AGBL4: variants seen among roughly 807,000 people sequenced by gnomAD.
AGBL4 encodes AGBL carboxypeptidase 4.
A neutral mutation model predicts 66.4 loss-of-function variants in AGBL4; 58 were observed. The ratio of observed to expected loss-of-function variants is 0.87; its 90% CI spans 0.71 to 1.09. AGBL4 has a LOEUF of 1.09. AGBL4 is among the 50% of genes least tolerant of loss of function. The pLI is 0.00. For missense variants in AGBL4, 579 were observed against 631.0 expected (o/e 0.92, Z 0.88); for synonymous variants, 234 against 222.9 (o/e 1.05, Z -0.44).
intron 3 of AGBL4, among the ~76,000 whole-genome samples, chr1:49,622,616 G>A (rs1645385119): frequency 1.8e-5 from 2 of 111,124 alleles, no homozygotes; most frequent in African/African-American, 3.5e-5. Context: ...GCGACAGAGC[G>A]AGACTCCGTC....
At chr1:49,760,771 C>A (rs1219438684) in intron 2 of AGBL4, among the ~76,000 whole-genome samples, 2 of 152,092 alleles carry the variant, frequency 1.3e-5, no homozygotes. Context: ...AGAACCAACC[C>A]AAATGCCCAT....
At chr1:48,749,564 A>G (rs531796665) in intron 6 of AGBL4, among the ~76,000 whole-genome samples, 5 of 152,228 alleles carry the variant, frequency 3.3e-5, no homozygotes, top group Admixed American at 2.0e-4. Flanking sequence ...TCCTCAATGA[A>G]CTGTACTTTC....
intron 9 of AGBL4, among the ~76,000 whole-genome samples, chr1:48,606,644 T>A (rs1380912773): frequency 1.3e-5 from 2 of 152,148 alleles, no homozygotes; most frequent in African/African-American, 4.8e-5. Flanking sequence ...GATCTGACAC[T>A]CCATAGTCTG....
chr1:49,966,018 T>G (rs1479711557), intron 1 of AGBL4, among the ~76,000 whole-genome samples: 2 of 150,874 alleles, frequency 1.3e-5, no homozygotes, highest in Non-Finnish European at 2.9e-5. Context: ...CTTGGCTCAC[T>G]GCAAGCTCTG....
At chr1:49,692,438 G>T (rs1646906475) in intron 3 of AGBL4, among the ~76,000 whole-genome samples, 1 of 152,134 alleles carries the variant, frequency 6.6e-6, no homozygotes, top group African/African-American at 2.4e-5. Context: ...CAGCAAACTG[G>T]CCAGACACAG....
rs74076227 is a variant in AGBL4, at chr1:48,680,631, C to T, written c.635-17390G>A. 9.9e-3 allele frequency among the ~76,000 whole-genome samples: 1,505 copies of T among 152,234 alleles called. 29 individuals carry two copies. The highest frequency in any genetic ancestry group is 0.034 in the African/African-American group (1,421 of 41,508). On this transcript the variant is annotated intron_variant, in intron 6 of 13. Transcript: ENST00000371839. ...GGTGACGGCCACCTTGTGGCAAGGCCGAAGAAGAATTCCCTCCGTGACTAA... is the reference window on the plus strand; with the variant it reads ...GGTGACGGCCACCTTGTGGCAAGGCTGAAGAAGAATTCCCTCCGTGACTAA...
chr1:48,953,824 A>G (rs1657202866), intron 5 of AGBL4, among the ~76,000 whole-genome samples: 2 of 152,188 alleles, frequency 1.3e-5, no homozygotes, highest in Non-Finnish European at 2.9e-5. Context: ...ACGGGCTGCT[A>G]ACTGGGACTT....
chr1:49,755,425 C>T (rs1374194193), intron 2 of AGBL4, among the ~76,000 whole-genome samples: 6 of 152,154 alleles, frequency 3.9e-5, no homozygotes. Context: ...GACTTTAATC[C>T]TTCAGCTGCC....
chr1:49,027,498 T>C (rs1663812353), intron 5 of AGBL4, among the ~76,000 whole-genome samples: 1 of 152,080 alleles, frequency 6.6e-6, no homozygotes, highest in South Asian at 2.1e-4. Flanking sequence ...TTTGAAGTCA[T>C]TTAAAGCCAT....
intron 4 of AGBL4, among the ~76,000 whole-genome samples, chr1:49,129,128 A>T (rs867993994): frequency 3.3e-5 from 5 of 152,140 alleles, no homozygotes; most frequent in Middle Eastern, 3.4e-3. Flanking sequence ...GGCACTAAAA[A>T]TATCCAAATT....
At chr1:48,606,228 CT>C (rs1645152277) in intron 9 of AGBL4, among the ~76,000 whole-genome samples, 2 of 151,434 alleles carry the variant, frequency 1.3e-5, no homozygotes, top group African/African-American at 2.4e-5. Context: ...ATGGAATAAG[CT>C]TTTTATATCT....
chr1:49,565,900 C>G (rs1347288878), intron 3 of AGBL4, among the ~76,000 whole-genome samples: 1 of 152,146 alleles, frequency 6.6e-6, no homozygotes, highest in Non-Finnish European at 1.5e-5. Context: ...GAGTGTTTTC[C>G]AACTTGGTTC....
chr1:49,620,860 A>C (rs1156999820), intron 3 of AGBL4, among the ~76,000 whole-genome samples: 1 of 152,042 alleles, frequency 6.6e-6, no homozygotes, highest in Non-Finnish European at 1.5e-5. Flanking sequence ...TAACCAAATC[A>C]ACCTTTTTTT....
rs59788309 is a variant in AGBL4, at chr1:49,700,298, AATAGATAGATAGATAG to A, written c.158-2877_158-2862del. Among the ~76,000 whole-genome samples, 50 of 146,490 alleles carry A rather than the reference AATAGATAGATAGATAG, an allele frequency of 3.4e-4. No individual in the cohort carries two copies. In the East Asian group the frequency reaches 3.4e-3, roughly 10 times the overall value. On this transcript the variant is annotated intron_variant, in intron 2 of 13. Coordinates refer to ENST00000371839, the MANE Select transcript of AGBL4 (RefSeq NM_032785.4). ...CCACCAAGAACATATAAAAACATTAAATAGATAGATAGATAGATAGATAGATAGATAGATAGATAGA... is the reference window on the plus strand; with the variant it reads ...CCACCAAGAACATATAAAAACATTAAATAGATAGATAGATAGATAGATAGA...
intron 3 of AGBL4, among the ~76,000 whole-genome samples, chr1:49,565,486 T>C (rs1159406205): frequency 6.6e-6 from 1 of 152,216 alleles, no homozygotes; most frequent in African/African-American, 2.4e-5. Context: ...GGACCTCTTT[T>C]AGGGCAGGCC....
intron 3 of AGBL4, among the ~76,000 whole-genome samples, chr1:49,589,430 T>A (rs577650706): frequency 7.1e-4 from 108 of 152,092 alleles, no homozygotes; most frequent in Non-Finnish European, 1.4e-3. Flanking sequence ...TCAATAGACT[T>A]ACCTATGGTC....
intron 3 of AGBL4, among the ~76,000 whole-genome samples, chr1:49,656,432 G>A (rs1443305780): frequency 6.6e-6 from 1 of 152,054 alleles, no homozygotes; most frequent in African/African-American, 2.4e-5. Context: ...CAGGTACAAG[G>A]AGGAGCTGGT....
chr1:48,891,325 A>G (rs1422153619), intron 5 of AGBL4, among the ~76,000 whole-genome samples: 1 of 152,220 alleles, frequency 6.6e-6, no homozygotes, highest in Non-Finnish European at 1.5e-5. Flanking sequence ...GCAAAGAATC[A>G]GAAAAAAGCT....
chr1:49,834,132 C>T (rs1256060878), intron 2 of AGBL4, among the ~76,000 whole-genome samples: 2 of 151,992 alleles, frequency 1.3e-5, no homozygotes, highest in Non-Finnish European at 2.9e-5. Context: ...CTTTTTCTAT[C>T]GTTTGGAATA....
Sources: allele counts gnomAD v4.1 joint callset (sites outside exome capture counted in the v4.1 genomes callset), GRCh38; gene constraint gnomAD v4.1.1; transcripts MANE v1.5; gene names NCBI Gene and HGNC (gene_info 2026-07-23, HGNC 2026-07-21).